The following PWWP2B variants were observed in gnomAD, a reference collection of about 807,000 sequenced individuals.
The protein encoded by PWWP2B is PWWP domain containing 2B, also known as PWWP domain-containing protein 2B.
A neutral mutation model predicts 15.5 loss-of-function variants in PWWP2B; 9 were observed. The observed-to-expected ratio is 0.58, with a 90% confidence interval of 0.35 to 1.02. The LOEUF is 1.02. Among genes scored for constraint, PWWP2B ranks in the 50% least tolerant of loss-of-function variants. The pLI is 0.02. For synonymous variants in PWWP2B, 474 were observed against 403.6 expected, an observed-to-expected ratio of 1.17 and a Z score of -2.09; for missense variants, 864 against 865.3, an observed-to-expected ratio of 1.00 and a Z score of 0.02.
Position 132,408,418 on chromosome 10 carries a change from G to A in PWWP2B, c.*16+2129G>A, listed in dbSNP as rs898137003. ...CTGCCTTTCCTGGGAAGGGGGACCC[G>A]CCACCACCATCGTGAAGGCGCCTCT... On this transcript the variant is annotated intron_variant, in intron 2 of 2. Coordinates refer to ENST00000305233, the MANE Select transcript of PWWP2B (RefSeq NM_138499.4). Among the ~76,000 whole-genome samples, 6 of 152,224 alleles carry A rather than the reference G, an allele frequency of 3.9e-5. No individual in the cohort carries two copies. In the South Asian group the frequency reaches 6.2e-4, roughly 16 times the overall value.
intron 2 of PWWP2B, among the ~76,000 whole-genome samples, chr10:132,416,158 A>G (rs1590768750): frequency 6.6e-6 from 1 of 151,324 alleles, no homozygotes; most frequent in South Asian, 2.1e-4. Flanking sequence ...CCCTCCAGTG[A>G]CTTCTCGGCG....
intron 2 of PWWP2B, among the ~76,000 whole-genome samples, chr10:132,409,136 G>A (rs555267074): frequency 5.2e-4 from 79 of 152,318 alleles, no homozygotes; most frequent in African/African-American, 1.2e-3. Flanking sequence ...GGTAACAACA[G>A]GTCCCGCCTC....
chr10:132,406,213 A>T lies in PWWP2B; in HGVS notation c.1713A>T (p.Ala571=). ...ATCGGAAAGCTATAACCGAGGCTGCAAATGCCGCAAGACACGTGGCCCCGG... is the reference window on the plus strand; with the variant it reads ...ATCGGAAAGCTATAACCGAGGCTGCTAATGCCGCAAGACACGTGGCCCCGG... ...GMYRKAITEA[A]NAARHVAPEI... The change falls in exon 2 of 3, where the codon GCA becomes GCT. Residue 571 remains alanine, a synonymous_variant. Coordinates refer to ENST00000305233, the MANE Select transcript of PWWP2B (RefSeq NM_138499.4). 1 of 1,612,966 alleles carries T rather than the reference A, an allele frequency of 6.2e-7. No individual in the cohort carries two copies. The highest frequency in any genetic ancestry group is 1.1e-5 in the South Asian group (1 of 91,084).
chr10:132,402,890 C>T (rs957551734), intron 1 of PWWP2B, among the ~76,000 whole-genome samples: 20 of 152,366 alleles, frequency 1.3e-4, no homozygotes, highest in East Asian at 1.9e-4. Context: ...TCTTCACAAA[C>T]GCTGGAGCGG....
rs1295875741 is a variant in PWWP2B at position 132,417,124 on chromosome 10, G to T, written c.*80G>T. 6.2e-7 allele frequency: 1 copy of T among 1,611,902 alleles called. No homozygotes were observed. Among genetic ancestry groups the T allele is most frequent in the Non-Finnish European group, 8.5e-7 (1 of 1,178,372 alleles). On this transcript the variant is annotated 3_prime_UTR_variant, in exon 3 of 3. Coordinates refer to ENST00000305233, the MANE Select transcript of PWWP2B (RefSeq NM_138499.4). Reference sequence around the variant, plus strand: ...TCCGATCTCTGTTCGGGGACCCTGTGAGCCTTCTGGCCGGCTGCGTGCAGA... The same window carrying T: ...TCCGATCTCTGTTCGGGGACCCTGTTAGCCTTCTGGCCGGCTGCGTGCAGA...
chr10:132,402,133 C>T (rs1369112392), intron 1 of PWWP2B, among the ~76,000 whole-genome samples: 1 of 152,248 alleles, frequency 6.6e-6, no homozygotes, highest in East Asian at 1.9e-4. Flanking sequence ...GGCTGCCCCC[C>T]ACCCATTTGA....
In PWWP2B at chr10:132,405,879, A is replaced by G. The variant is rs764566188; in HGVS notation, c.1379A>G (p.Glu460Gly). The G allele has an allele frequency of 2.0e-5, 33 of 1,611,394 alleles. No individual in the cohort carries two copies. In the South Asian group the frequency reaches 3.4e-4, roughly 17 times the overall value. Reference protein sequence around the residue: ...HGASAPSVSREARQTVPPLTV... With the variant: ...HGASAPSVSRGARQTVPPLTV... ...GCGTCAGCGCCCTCGGTGTCCAGAGAGGCTCGCCAAACGGTGCCGCCCCTG... is the reference window on the plus strand; with the variant it reads ...GCGTCAGCGCCCTCGGTGTCCAGAGGGGCTCGCCAAACGGTGCCGCCCCTG... The change falls in exon 2 of 3, where the codon GAG becomes GGG. Residue 460 changes from glutamate to glycine, a missense_variant. Physicochemically the swap from Glu to Gly is moderately conservative, Grantham distance 98. Coordinates refer to ENST00000305233, the MANE Select transcript of PWWP2B (RefSeq NM_138499.4).
At chr10:132,414,985 CT>C (rs2069825666) in intron 2 of PWWP2B, among the ~76,000 whole-genome samples, 1 of 152,184 alleles carries the variant, frequency 6.6e-6, no homozygotes, top group Non-Finnish European at 1.5e-5. Flanking sequence ...AATGCAGCTT[CT>C]CTTTAATTTG....
At chr10:132,409,059 G>C (rs2069742348) in intron 2 of PWWP2B, among the ~76,000 whole-genome samples, 1 of 152,268 alleles carries the variant, frequency 6.6e-6, no homozygotes, top group South Asian at 2.1e-4. Flanking sequence ...CCTTGTCCCA[G>C]CCGGTCACCT....
intron 2 of PWWP2B, among the ~76,000 whole-genome samples, chr10:132,409,397 C>G (rs1004009817): frequency 6.6e-6 from 1 of 152,224 alleles, no homozygotes; most frequent in African/African-American, 2.4e-5. Context: ...GTGCAGGCAC[C>G]GGACATGCAG....
chr10:132,399,259 T>C (rs947870798), intron 1 of PWWP2B, among the ~76,000 whole-genome samples: 6 of 152,254 alleles, frequency 3.9e-5, no homozygotes, highest in Non-Finnish European at 7.3e-5. Flanking sequence ...GGGTGCTGAC[T>C]CACAGGGAAG....
intron 2 of PWWP2B, among the ~76,000 whole-genome samples, chr10:132,415,383 A>G (rs183509289): frequency 6.9e-6 from 1 of 145,142 alleles, no homozygotes; most frequent in Non-Finnish European, 1.5e-5. Context: ...CGTCACTCAC[A>G]CTCATTTACT....
In PWWP2B at chr10:132,405,921, C is replaced by T; in HGVS notation, c.1421C>T (p.Thr474Ile). 1 of 1,612,992 alleles carries T rather than the reference C, an allele frequency of 6.2e-7. No individual in the cohort carries two copies. The highest frequency in any genetic ancestry group is 1.1e-5 in the South Asian group (1 of 91,090). ...TVPPLTVRLH[T>I]QSVSECITED... ...CCGCCCCTGACGGTCAGGCTGCACACACAGAGCGTGTCGGAGTGCATCACG... is the reference window on the plus strand; with the variant it reads ...CCGCCCCTGACGGTCAGGCTGCACATACAGAGCGTGTCGGAGTGCATCACG... The change falls in exon 2 of 3, where the codon ACA (threonine) becomes ATA (isoleucine). Residue 474 changes from threonine (T) to isoleucine (I), a missense_variant. This residue lies in a region of PWWP2B where 128 missense variants were observed against 177.6 expected (regional missense o/e 0.72). Coordinates refer to ENST00000305233, the MANE Select transcript of PWWP2B (RefSeq NM_138499.4).
intron 1 of PWWP2B, among the ~76,000 whole-genome samples, chr10:132,402,904 G>A (rs2069631154): frequency 6.6e-6 from 1 of 152,250 alleles, no homozygotes; most frequent in South Asian, 2.1e-4. Flanking sequence ...GGAGCGGCCA[G>A]GTGTGGCCCG....
Position 132,417,374 on chromosome 10 carries a change from G to A in PWWP2B, c.*330G>A. 1 of 470,272 alleles carries A rather than the reference G, an allele frequency of 2.1e-6. No homozygotes were observed. 29.1% of individuals were successfully genotyped at this position (470,272 alleles called of 1,614,324 possible). On this transcript the variant is annotated 3_prime_UTR_variant, in exon 3 of 3. Coordinates refer to ENST00000305233, the MANE Select transcript of PWWP2B (RefSeq NM_138499.4). The stretch of plus-strand genomic sequence containing the variant: ...GGGGTTCCATGGAGGAACTGGGCCT[G>A]CCGCCCCGGCCTCACCTGCTGCCCG...
rs1162463473 is a variant in PWWP2B, at chr10:132,404,967, C to G, written c.467C>G (p.Ser156Cys). The G allele has an allele frequency of 1.3e-6, 2 of 1,584,934 alleles. No individual in the cohort carries two copies. Among genetic ancestry groups the G allele is most frequent in the Non-Finnish European group, 1.7e-6 (2 of 1,173,090 alleles). Residue 156 changes from serine (S) to cysteine (C), a missense_variant, in exon 2 of 3, where the codon TCC becomes TGC. Physicochemically the swap from Ser to Cys is moderately radical, Grantham distance 112. Transcript: ENST00000305233. ...RTIKRTRRRLSRNRDPGRLIL... is the reference protein window; with the variant it reads ...RTIKRTRRRLCRNRDPGRLIL... Reference sequence around the variant, plus strand: ...ATCAAGCGCACGCGGCGGCGTCTGTCCCGCAACCGCGACCCGGGGCGCCTC... The same window carrying G: ...ATCAAGCGCACGCGGCGGCGTCTGTGCCGCAACCGCGACCCGGGGCGCCTC...
At chr10:132,401,086 G>A (rs1027667870) in intron 1 of PWWP2B, among the ~76,000 whole-genome samples, 11 of 152,194 alleles carry the variant, frequency 7.2e-5, no homozygotes, top group African/African-American at 4.8e-5. Context: ...ACATCCAGGC[G>A]AGGCCCCAGG....
rs1159310480 is a variant in PWWP2B at position 132,406,302 on chromosome 10, G to A, written c.*16+13G>A. On this transcript the variant is annotated intron_variant, in intron 2 of 2. Transcript: ENST00000305233. ...GTTCCCTGACCAGGTGAGTGTGCCAGCGGCAGCCTCCTTCCCCCCAGCGGC... is the reference window on the plus strand; with the variant it reads ...GTTCCCTGACCAGGTGAGTGTGCCAACGGCAGCCTCCTTCCCCCCAGCGGC... The A allele has an allele frequency of 1.9e-6, 3 of 1,581,446 alleles. No homozygotes were observed. In the East Asian group the frequency reaches 6.7e-5, roughly 36 times the overall value.
chr10:132,404,569 G>A lies in PWWP2B; in HGVS notation c.126-57G>A, dbSNP rs527534808. On this transcript the variant is annotated intron_variant, in intron 1 of 2. Coordinates refer to ENST00000305233, the MANE Select transcript of PWWP2B (RefSeq NM_138499.4). ...GGGCCTTGGCTCTGGGGGCTGGTGC[G>A]GGTGGCAGATGTGCCAGGGTCCCTT... 6.5e-3 allele frequency: 9,575 copies of A among 1,465,912 alleles called. 42 individuals carry two copies. The highest frequency in any genetic ancestry group is 9.3e-3 in the Middle Eastern group (53 of 5,698). The allele number at this position is 1,465,912 out of a possible 1,614,324, so 90.8% of individuals were successfully genotyped here. A position where few individuals can be genotyped will look rare whatever the true frequency, so the allele number is the denominator to read the frequency against.
Sources: allele counts gnomAD v4.1 joint callset (sites outside exome capture counted in the v4.1 genomes callset), GRCh38; gene constraint gnomAD v4.1.1; regional missense constraint gnomAD v4.1.1; transcripts MANE v1.5; gene names NCBI Gene and HGNC (gene_info 2026-07-23, HGNC 2026-07-21).